Variants in ZW10 observed in about 807,000 individuals in gnomAD.
ZW10 encodes the protein zw10 kinetochore protein, also known as centromere/kinetochore protein zw10 homolog.
A neutral mutation model predicts 87.8 loss-of-function variants in ZW10; 53 were observed. That is an observed-to-expected ratio of 0.60 (90% CI 0.48 to 0.76). ZW10 has a LOEUF of 0.76. ZW10 is among the 30% of genes least tolerant of loss of function. The probability of loss-of-function intolerance (pLI) is 0.00; values close to 1 mark genes in which losing one functional copy is unlikely to be tolerated. For synonymous variants in ZW10, 312 were observed against 329.2 expected (o/e 0.95, Z 0.57); for missense variants, 837 against 923.0 (o/e 0.91, Z 1.21).
rs2513584 is a variant in ZW10 at position 113,748,246 on chromosome 11, G to T, written c.1089+11C>A. On this transcript the variant is annotated intron_variant, in intron 8 of 15. Coordinates refer to ENST00000200135, the MANE Select transcript of ZW10 (RefSeq NM_004724.4). ...TGTCTTAAAACCTTCTGTGCTGTCT[G>T]GGCTCTTTACCTCTTCATATTGCTG... 43 of 1,602,046 alleles carry T rather than the reference G, an allele frequency of 2.7e-5. No individual in the cohort carries two copies. The highest frequency in any genetic ancestry group is 3.7e-5 in the Non-Finnish European group (43 of 1,176,438).
At chr11:113,751,687 A>T (rs1049484336) in intron 7 of ZW10, among the ~76,000 whole-genome samples, 5 of 152,202 alleles carry the variant, frequency 3.3e-5, no homozygotes, top group African/African-American at 1.2e-4. Flanking sequence ...AGTCTGACCA[A>T]CATGGTGAAA....
At chr11:113,773,011 C>G (rs1345586052) in intron 1 of ZW10, among the ~76,000 whole-genome samples, 2 of 143,658 alleles carry the variant, frequency 1.4e-5, no homozygotes, top group East Asian at 2.0e-4. Context: ...TAAAAACATA[C>G]TGAGGGTTTG....
intron 1 of ZW10, among the ~76,000 whole-genome samples, chr11:113,772,747 T>C (rs1024435706): frequency 6.8e-6 from 1 of 146,046 alleles, no homozygotes; most frequent in Non-Finnish European, 1.5e-5. Context: ...CCGAGGCGGG[T>C]GGATCACCTG....
chr11:113,733,516 A>T lies in ZW10; in HGVS notation c.*178T>A. 1.5e-6 allele frequency: 1 copy of T among 678,452 alleles called. No homozygotes were observed. The highest frequency in any genetic ancestry group is 2.4e-6 in the Non-Finnish European group (1 of 413,216). 42.0% of individuals were successfully genotyped at this position (678,452 alleles called of 1,614,324 possible). ...TACTTGACAATTTATCTTAATAAAC[A>T]GTTCTTAAACAAAGCCTCGTACAGG... On this transcript the variant is annotated 3_prime_UTR_variant, in exon 16 of 16. Coordinates refer to ENST00000200135, the MANE Select transcript of ZW10 (RefSeq NM_004724.4).
intron 6 of ZW10, among the ~76,000 whole-genome samples, chr11:113,758,160 C>T (rs1334714700): frequency 2.7e-5 from 4 of 149,846 alleles, no homozygotes; most frequent in African/African-American, 9.9e-5. Context: ...GCGACAAAAG[C>T]GAAAACTCCA....
chr11:113,762,522 T>A (rs1053349544), intron 2 of ZW10, among the ~76,000 whole-genome samples: 1 of 152,094 alleles, frequency 6.6e-6, no homozygotes, highest in Non-Finnish European at 1.5e-5. Context: ...TATAAACTTA[T>A]TAACTTTTTT....
At chr11:113,771,338 A>T (rs887609362) in intron 1 of ZW10, 1 of 152,246 alleles carries the variant, frequency 6.6e-6, no homozygotes. Context: ...CTGAGGAAAG[A>T]AGACAGAAGC....
intron 12 of ZW10, 108 bp downstream of exon 12, chr11:113,739,105 C>G (rs1401630427): frequency 1.6e-6 from 2 of 1,278,916 alleles, no homozygotes; most frequent in Non-Finnish European, 2.2e-6. Context: ...TCTGATACAG[C>G]TCAGGACCAC....
At chr11:113,737,777 T>C in intron 13 of ZW10, 74 bp from the exon 14 acceptor site, 1 of 1,489,636 alleles carries the variant, frequency 6.7e-7, no homozygotes, top group South Asian at 1.4e-5. Context: ...ACATTTATCA[T>C]TTGTGAGTTC....
At chr11:113,737,765 T>A in intron 13 of ZW10, 62 bp from the exon 14 acceptor site, 1 of 1,525,214 alleles carries the variant, frequency 6.6e-7, no homozygotes, top group East Asian at 2.3e-5. Flanking sequence ...TTTTCCAGAT[T>A]TACATTTATC....
chr11:113,753,273 G>A (rs897557642), intron 7 of ZW10, among the ~76,000 whole-genome samples: 6 of 152,016 alleles, frequency 3.9e-5, no homozygotes, highest in African/African-American at 1.2e-4. Flanking sequence ...GAGGACATGC[G>A]GTATTTGGTT....
intron 15 of ZW10, among the ~76,000 whole-genome samples, chr11:113,735,192 GA>G (rs546664633): frequency 4.5e-4 from 69 of 152,078 alleles, no homozygotes; most frequent in African/African-American, 1.4e-3. Flanking sequence ...ATCTCTGGGG[GA>G]AAAAAATTTC....
In ZW10 at chr11:113,758,397, A is replaced by G. The variant is rs554195297; in HGVS notation, c.733+157T>C. Among the ~76,000 whole-genome samples, 4 of 151,920 alleles carry G rather than the reference A, an allele frequency of 2.6e-5. No individual in the cohort carries two copies. In the East Asian group the frequency reaches 5.8e-4, roughly 22 times the overall value. ...AAAAAAAAAAACCCAATCCCTTAAT[A>G]AAAGGGATAATATTTAGGACAATTC... is the stretch of plus-strand genomic sequence containing the variant. On this transcript the variant is annotated intron_variant, in intron 6 of 15. Transcript: ENST00000200135.
intron 7 of ZW10, among the ~76,000 whole-genome samples, chr11:113,753,777 C>T (rs1304495328): frequency 6.6e-5 from 10 of 152,312 alleles, no homozygotes; most frequent in African/African-American, 1.9e-4. Context: ...AAGCCAAAAC[C>T]TAATCCAGAG....
At chr11:113,770,368 T>A (rs1160701969) in intron 1 of ZW10, 1 of 150,824 alleles carries the variant, frequency 6.6e-6, no homozygotes, top group Non-Finnish European at 1.5e-5. Context: ...GGATTATAGG[T>A]GTGAGCCATA....
chr11:113,736,247 C>T (rs1953552059), intron 15 of ZW10, among the ~76,000 whole-genome samples: 1 of 151,942 alleles, frequency 6.6e-6, no homozygotes, highest in Non-Finnish European at 1.5e-5. Flanking sequence ...TGCACTCCAA[C>T]CTGGGTGACA....
Position 113,743,845 on chromosome 11 carries a change from C to T in ZW10, c.1468G>A (p.Ala490Thr), listed in dbSNP as rs375534081. Residue 490 changes from alanine to threonine, a missense_variant, in exon 10 of 16, where the codon GCC becomes ACC. Physicochemically the swap from Ala to Thr is moderately conservative, Grantham distance 58. Transcript: ENST00000200135. ...GTTGCCTCTAGTAAAGTCTGATAGG[C>T]GAGTTCCATTAATTTCTTCACAGAC... ...SESVKKLMEL[A>T]YQTLLEATTS... The T allele has an allele frequency of 1.9e-4, 309 of 1,613,946 alleles. 1 individual carries two copies. Among genetic ancestry groups the T allele is most frequent in the South Asian group, 3.6e-4 (33 of 91,082 alleles).
chr11:113,765,395 TCTAAGATC>T (rs1441619448), intron 2 of ZW10, among the ~76,000 whole-genome samples: 1 of 152,190 alleles, frequency 6.6e-6, no homozygotes, highest in East Asian at 1.9e-4. Context: ...TGAGACCATG[TCTAAGATC>T]CTACCAATGG....
intron 7 of ZW10, among the ~76,000 whole-genome samples, chr11:113,752,097 C>T (rs1232462676): frequency 1.3e-5 from 2 of 152,172 alleles, no homozygotes; most frequent in East Asian, 1.9e-4. Flanking sequence ...TTTGCCAATG[C>T]TCATTAGTTG....
Sources: gnomAD v4.1 joint callset for allele counts (sites outside exome capture counted in the v4.1 genomes callset) on GRCh38, gnomAD v4.1.1 for gene constraint, MANE v1.5 for transcripts, NCBI Gene and HGNC (gene_info 2026-07-23, HGNC 2026-07-21) for gene names.